Variants in SESTD1 observed in about 807,000 individuals in gnomAD.
SESTD1 encodes SEC14 domain and spectrin repeat-containing protein 1.
In SESTD1, 43 loss-of-function variants were observed where a neutral mutation model predicts 101.7. That is an observed-to-expected ratio of 0.42 (90% CI 0.33 to 0.55). The LOEUF (loss-of-function observed/expected upper bound fraction) is 0.55, where lower values mean the gene tolerates loss of function less well. SESTD1 is among the 20% of genes least tolerant of loss of function. SESTD1 has a pLI of 0.07. For missense variants in SESTD1, 647 were observed against 815.1 expected (o/e 0.79, Z 2.51); for synonymous variants, 283 against 286.8 (o/e 0.99, Z 0.13).
intron 17 of SESTD1, among the ~76,000 whole-genome samples, chr2:179,110,360 A>G (rs1255559651): frequency 6.6e-6 from 1 of 152,214 alleles, no homozygotes; most frequent in Non-Finnish European, 1.5e-5. Flanking sequence ...AAATTTATAC[A>G]GGTACTTGAG....
intron 1 of SESTD1, among the ~76,000 whole-genome samples, chr2:179,255,862 C>T (rs2047386152): frequency 6.6e-6 from 1 of 152,150 alleles, no homozygotes; most frequent in Admixed American, 6.5e-5. Context: ...AGCTGGTGAC[C>T]TTAAGTGAAA....
rs764044297 is a variant in SESTD1 at position 179,123,727 on chromosome 2, G to A, written c.1270C>T (p.Leu424=). ...QQTLKLLEEK[L]KSVDVGLQGL... is the part of the protein sequence containing the mutation. ...AAAATCTGCTTACCAACACTTTTCAGCTTCTCTTCAAGCAGTTTTAAAGTT... is the reference window on the plus strand; with the variant it reads ...AAAATCTGCTTACCAACACTTTTCAACTTCTCTTCAAGCAGTTTTAAAGTT... Residue 424 remains leucine (L), a synonymous_variant, in exon 12 of 18, where the codon CTG becomes TTG. Coordinates refer to ENST00000428443, the MANE Select transcript of SESTD1 (RefSeq NM_178123.5). 3 of 1,611,004 alleles carry A rather than the reference G, an allele frequency of 1.9e-6. No individual in the cohort carries two copies. The highest frequency in any genetic ancestry group is 8.5e-7 in the Non-Finnish European group (1 of 1,178,712).
intron 1 of SESTD1, among the ~76,000 whole-genome samples, chr2:179,250,820 C>A (rs1312245030): frequency 2.0e-5 from 3 of 152,066 alleles, no homozygotes; most frequent in Non-Finnish European, 4.4e-5. Flanking sequence ...TAGTTAGTGG[C>A]AATTTAAAAT....
At chr2:179,146,294 A>C in intron 8 of SESTD1, 108 bp downstream of exon 8, 2 of 1,037,326 alleles carry the variant, frequency 1.9e-6, no homozygotes, top group East Asian at 2.6e-5. Context: ...TTTCCCCTTG[A>C]GTTCCTTCCA....
rs1279392217 is a variant in SESTD1, at chr2:179,215,559, G to A, written c.-25-23693C>T. Reference sequence around the variant, plus strand: ...GATTCACAGCCGAATTCTAACAGGGGTACAAAGAGGAGCTGGTACCATTCC... The same window carrying A: ...GATTCACAGCCGAATTCTAACAGGGATACAAAGAGGAGCTGGTACCATTCC... On this transcript the variant is annotated intron_variant, in intron 1 of 17. Coordinates refer to ENST00000428443, the MANE Select transcript of SESTD1 (RefSeq NM_178123.5). 2.2e-5 allele frequency among the ~76,000 whole-genome samples: 3 copies of A among 133,812 alleles called. 1 individual carries two copies. The highest frequency in any genetic ancestry group is 4.8e-5 in the Non-Finnish European group (3 of 62,486). 87.8% of individuals were successfully genotyped at this position (133,812 alleles called of 152,430 possible). A position where few individuals can be genotyped will look rare whatever the true frequency, so the allele number is the denominator to read the frequency against.
At chr2:179,178,273 T>G (rs893157799) in intron 3 of SESTD1, among the ~76,000 whole-genome samples, 1 of 152,112 alleles carries the variant, frequency 6.6e-6, no homozygotes, top group Admixed American at 6.6e-5. Flanking sequence ...AAATATTCCT[T>G]GGGAAAAACT....
intron 1 of SESTD1, among the ~76,000 whole-genome samples, chr2:179,237,364 T>TA (rs1284158607): frequency 1.3e-5 from 2 of 152,206 alleles, no homozygotes; most frequent in Non-Finnish European, 2.9e-5. Context: ...CACTTTGTGT[T>TA]AGTCTTTTTG....
chr2:179,149,055 G>C (rs1275585380), intron 7 of SESTD1, among the ~76,000 whole-genome samples: 21 of 69,972 alleles, frequency 3.0e-4, no homozygotes, highest in African/African-American at 1.4e-3. Context: ...GCAAGACTCC[G>C]TCTCAAAAAA....
At chr2:179,112,681 A>G in intron 17 of SESTD1, 43 bp downstream of exon 17, 2 of 1,540,644 alleles carry the variant, frequency 1.3e-6, no homozygotes, top group Non-Finnish European at 1.7e-6. Flanking sequence ...TCACTTTAAG[A>G]CCACACCAAT....
rs965153343 is a variant in SESTD1 at position 179,104,540 on chromosome 2, C to T, written c.*5359G>A. 3.9e-5 allele frequency: 6 copies of T among 152,104 alleles called. No homozygotes were observed. The highest frequency in any genetic ancestry group is 1.2e-4 in the African/African-American group (5 of 41,398). The allele number at this position is 152,104 out of a possible 1,614,324, so 9.4% of individuals were successfully genotyped here. A position where few individuals can be genotyped will look rare whatever the true frequency, so the allele number is the denominator to read the frequency against. On this transcript the variant is annotated 3_prime_UTR_variant, in exon 18 of 18. Transcript: ENST00000428443. ...CACCCAGTCATCTCTCATCTCTCCC[C>T]CAAGACAGAAGCATTTGGACACCCT...
chr2:179,156,773 T>C (rs1351492311), intron 5 of SESTD1, among the ~76,000 whole-genome samples: 2 of 152,214 alleles, frequency 1.3e-5, no homozygotes, highest in African/African-American at 4.8e-5. Context: ...CTGTAGGTTG[T>C]CTGTTTACTC....
intron 17 of SESTD1, among the ~76,000 whole-genome samples, chr2:179,110,695 T>G (rs1428842224): frequency 6.6e-6 from 1 of 152,136 alleles, no homozygotes; most frequent in Non-Finnish European, 1.5e-5. Flanking sequence ...CTCTTTTATT[T>G]TACCAGGAGA....
intron 6 of SESTD1, among the ~76,000 whole-genome samples, chr2:179,149,736 C>T (rs2045478092): frequency 6.6e-6 from 1 of 152,170 alleles, no homozygotes; most frequent in Admixed American, 6.5e-5. Flanking sequence ...TCTCTAATAA[C>T]AGTTACAGAA....
chr2:179,117,443 G>A, intron 14 of SESTD1, 89 bp downstream of exon 14: 1 of 1,186,002 alleles, frequency 8.4e-7, no homozygotes, highest in Non-Finnish European at 1.2e-6. Context: ...ACTTTTTTAG[G>A]ACCATGAAAA....
intron 5 of SESTD1, among the ~76,000 whole-genome samples, chr2:179,166,713 G>T (rs1254374750): frequency 1.3e-5 from 2 of 152,180 alleles, no homozygotes; most frequent in Non-Finnish European, 2.9e-5. Flanking sequence ...AGGTACAAAG[G>T]AAAGACCTAG....
intron 13 of SESTD1, among the ~76,000 whole-genome samples, chr2:179,120,305 C>G (rs1320571141): frequency 6.6e-6 from 1 of 152,074 alleles, no homozygotes; most frequent in Non-Finnish European, 1.5e-5. Flanking sequence ...GACTAATACA[C>G]TAGATTTCAG....
intron 1 of SESTD1, among the ~76,000 whole-genome samples, chr2:179,260,183 C>T (rs924568012): frequency 6.6e-6 from 1 of 152,064 alleles, no homozygotes; most frequent in African/African-American, 2.4e-5. Flanking sequence ...TATTAGCTCA[C>T]ATATCATTTA....
At chr2:179,112,889 G>A (rs1165307733) in intron 16 of SESTD1, 44 bp from the exon 17 acceptor site, 3 of 1,565,702 alleles carry the variant, frequency 1.9e-6, no homozygotes, top group East Asian at 4.6e-5. Context: ...GACACAGACA[G>A]GTCTGCAGTT....
intron 5 of SESTD1, among the ~76,000 whole-genome samples, chr2:179,160,600 A>C: frequency 6.6e-6 from 1 of 152,064 alleles, no homozygotes; most frequent in East Asian, 1.9e-4. Flanking sequence ...ATTCTAACCT[A>C]AAGATAAACC....
Sources: allele counts gnomAD v4.1 joint callset (sites outside exome capture counted in the v4.1 genomes callset), GRCh38; gene constraint gnomAD v4.1.1; transcripts MANE v1.5; gene names NCBI Gene and HGNC (gene_info 2026-07-23, HGNC 2026-07-21).